The following KLRG1 variants were observed in gnomAD, a reference collection of about 807,000 sequenced individuals.
KLRG1 encodes the protein killer cell lectin-like receptor subfamily G member 1.
KLRG1 carries 16 observed loss-of-function variants against 21.8 expected under a neutral mutation model. The observed-to-expected ratio is 0.73, with a 90% confidence interval of 0.50 to 1.11. KLRG1 has a LOEUF of 1.11. Ranked by LOEUF, KLRG1 falls within the 50% of genes most tolerant of loss-of-function variation. The pLI, the probability that KLRG1 is intolerant of heterozygous loss-of-function variation, is 0.00. For missense variants in KLRG1, 173 were observed against 218.3 expected (o/e 0.79, Z 1.31); for synonymous variants, 69 against 75.9 (o/e 0.91, Z 0.47).
chr12:9,050,152 G>A, the KLRG1 span, among the ~76,000 whole-genome samples: 21 of 152,266 alleles, frequency 1.4e-4, no homozygotes, highest in African/African-American at 2.2e-4. Flanking sequence ...GGTCTAAAAC[G>A]TGTCACATTG....
intron 2 of KLRG1, among the ~76,000 whole-genome samples, chr12:8,993,250 A>G (rs1947029991): frequency 6.6e-6 from 1 of 151,940 alleles, no homozygotes; most frequent in Non-Finnish European, 1.5e-5. Flanking sequence ...GATGATAGTG[A>G]CCGATTACAC....
intron 1 of KLRG1, among the ~76,000 whole-genome samples, chr12:8,955,644 A>C (rs1946279562): frequency 1.3e-5 from 2 of 151,510 alleles, no homozygotes. Context: ...TTTCCACCTC[A>C]GCCTCCCGAA....
At chr12:9,036,019 A>G in the KLRG1 span, among the ~76,000 whole-genome samples, 1 of 152,176 alleles carries the variant, frequency 6.6e-6, no homozygotes, top group Non-Finnish European at 1.5e-5. Context: ...GAGAGTGAGG[A>G]TGGAAAAACT....
At chr12:9,077,517 C>G in the KLRG1 span, 1 of 1,464,112 alleles carries the variant, frequency 6.8e-7, no homozygotes. Flanking sequence ...CATCCTTACC[C>G]ATATCCATCC....
chr12:9,169,890 T>C, the KLRG1 span: 1 of 202,230 alleles, frequency 4.9e-6, no homozygotes, highest in African/African-American at 2.3e-5. Context: ...AAAGAAGACG[T>C]AACTTGCATC....
At chr12:9,135,612 T>C in the KLRG1 span, 4 of 265,574 alleles carry the variant, frequency 1.5e-5, no homozygotes, top group Non-Finnish European at 2.9e-5. Flanking sequence ...GATCATCTTA[T>C]AGTGCATGGA....
chr12:9,160,123 G>T, the KLRG1 span: 1 of 1,239,066 alleles, frequency 8.1e-7, no homozygotes, highest in South Asian at 1.3e-5. Flanking sequence ...GACATTTTAT[G>T]ACCTTCTGTG....
chr12:9,152,361 C>T, the KLRG1 span: 1 of 1,344,928 alleles, frequency 7.4e-7, no homozygotes, highest in Admixed American at 1.7e-5. Flanking sequence ...GAAAGAAAGC[C>T]AAATTTCTGC....
At chr12:8,966,886 T>G (rs1301450074) in intron 1 of KLRG1, among the ~76,000 whole-genome samples, 44 of 149,152 alleles carry the variant, frequency 3.0e-4, no homozygotes, top group African/African-American at 6.9e-4. Context: ...ACATGCACAC[T>G]TATGTTTATT....
the KLRG1 span, chr12:9,077,816 G>T: frequency 5.6e-6 from 9 of 1,614,032 alleles, no homozygotes; most frequent in African/African-American, 1.3e-5. Flanking sequence ...GAAGATGTAG[G>T]CTCGAGCTTG....
At chr12:9,023,712 T>C in the KLRG1 span, among the ~76,000 whole-genome samples, 7 of 152,068 alleles carry the variant, frequency 4.6e-5, no homozygotes, top group Non-Finnish European at 2.9e-5. Context: ...AATGCCACCA[T>C]GCCTGGCCAA....
chr12:9,114,286 C>G, the KLRG1 span, among the ~76,000 whole-genome samples: 1 of 152,170 alleles, frequency 6.6e-6, no homozygotes, highest in African/African-American at 2.4e-5. Flanking sequence ...AAGATCAACC[C>G]TGTAGTTTTT....
In KLRG1 at chr12:8,975,030, C is replaced by T. The variant is rs148354372; in HGVS notation, c.-155-17176C>T. 4.1e-4 allele frequency among the ~76,000 whole-genome samples: 63 copies of T among 151,820 alleles called. 2 individuals carry two copies. The East Asian group carries it at 8.7e-3, about 21-fold the overall frequency. On this transcript the variant is annotated intron_variant, in intron 1 of 4. Transcript: ENST00000539240. The stretch of plus-strand genomic sequence containing the variant: ...CCTACCTCAGCCTCCAGAGTAGCTG[C>T]GATTACAGGCACCTGTCACCATGCC...
chr12:8,951,291 A>G lies in KLRG1; in HGVS notation c.-156+1055A>G, dbSNP rs12582129. Among the ~76,000 whole-genome samples the G allele has an allele frequency of 5.9e-4, 81 of 137,500 alleles. 1 individual carries two copies. In the East Asian group the frequency reaches 0.016, roughly 27 times the overall value. The allele number at this position is 137,500 out of a possible 152,430, so 90.2% of individuals were successfully genotyped here. ...AATTCAAGACTAGCCTGGGCAACAT[A>G]GTGAGACCCCTTCTTTCAAAAAAAA... On this transcript the variant is annotated intron_variant, in intron 1 of 4. Coordinates refer to the KLRG1 transcript ENST00000539240.
chr12:9,180,924 T>G, the KLRG1 span: 1 of 1,554,006 alleles, frequency 6.4e-7, no homozygotes, highest in Non-Finnish European at 8.7e-7. Flanking sequence ...TAATAGAGGC[T>G]TCTTGATCTG....
the KLRG1 span, among the ~76,000 whole-genome samples, chr12:9,171,128 T>C: frequency 6.6e-6 from 1 of 152,166 alleles, no homozygotes; most frequent in Non-Finnish European, 1.5e-5. Flanking sequence ...CCCCACAGGA[T>C]GGAGTTTCTA....
the KLRG1 span, chr12:9,115,838 G>T: frequency 6.2e-7 from 1 of 1,613,224 alleles, no homozygotes; most frequent in Admixed American, 1.7e-5. Flanking sequence ...GAAGGAGTTT[G>T]TTCTTCCCCA....
chr12:8,961,977 A>G (rs112752873), intron 1 of KLRG1, among the ~76,000 whole-genome samples: 121 of 152,200 alleles, frequency 8.0e-4, no homozygotes, highest in African/African-American at 2.7e-3. Context: ...TCCCAGCTAC[A>G]CAGGAGGCTG....
chr12:9,073,800 A>G, the KLRG1 span, among the ~76,000 whole-genome samples: 1 of 152,178 alleles, frequency 6.6e-6, no homozygotes, highest in Non-Finnish European at 1.5e-5. Flanking sequence ...TAAGAGGTGA[A>G]TAGGGGGCTG....
Sources: gnomAD v4.1 joint callset for allele counts (sites outside exome capture counted in the v4.1 genomes callset) on GRCh38, gnomAD v4.1.1 for gene constraint, MANE v1.5 for transcripts, NCBI Gene and HGNC (gene_info 2026-07-23, HGNC 2026-07-21) for gene names.